Variants in SPATA16 observed in about 807,000 individuals in gnomAD.
The protein encoded by SPATA16 is spermatogenesis associated 16.
Under a neutral mutation model 63.3 loss-of-function variants are expected in SPATA16, and 36 were observed. That is an observed-to-expected ratio of 0.57 (90% CI 0.44 to 0.75). The LOEUF (loss-of-function observed/expected upper bound fraction) is 0.75, where lower values mean the gene tolerates loss of function less well. Ranked by LOEUF, SPATA16 falls within the 30% of genes least tolerant of loss-of-function variation. The probability of loss-of-function intolerance (pLI) is 0.00; values close to 1 mark genes in which losing one functional copy is unlikely to be tolerated. For synonymous variants in SPATA16, 203 were observed against 216.7 expected, an observed-to-expected ratio of 0.94 and a Z score of 0.56; for missense variants, 646 against 679.3, an observed-to-expected ratio of 0.95 and a Z score of 0.54.
intron 2 of SPATA16, among the ~76,000 whole-genome samples, chr3:173,062,877 C>T (rs538329494): frequency 6.6e-5 from 10 of 152,224 alleles, no homozygotes; most frequent in Admixed American, 3.9e-4. Flanking sequence ...TAGCTAGATC[C>T]CTCGCATATA....
intron 4 of SPATA16, among the ~76,000 whole-genome samples, chr3:173,017,263 A>G (rs1735211729): frequency 6.6e-6 from 1 of 152,182 alleles, no homozygotes; most frequent in African/African-American, 2.4e-5. Flanking sequence ...AATTACCAGG[A>G]ATTTTCTCAA....
intron 4 of SPATA16, among the ~76,000 whole-genome samples, chr3:172,996,335 G>T (rs548216515): frequency 6.6e-6 from 1 of 151,992 alleles, no homozygotes; most frequent in Non-Finnish European, 1.5e-5. Flanking sequence ...TCACCATAAG[G>T]TTAACAGTTA....
chr3:172,968,175 A>G lies in SPATA16; in HGVS notation c.933+8793T>C, dbSNP rs117098725. Among the ~76,000 whole-genome samples the G allele has an allele frequency of 6.6e-5, 10 of 152,344 alleles. No homozygotes were observed. In the East Asian group the frequency reaches 1.2e-3, roughly 18 times the overall value. On this transcript the variant is annotated intron_variant, in intron 5 of 10. Transcript: ENST00000351008. ...ACAAGCCTTAATTATCAACGTGCAG[A>G]GAAGGCTGATGTGCAAGTGAAGCAC... is the stretch of plus-strand genomic sequence containing the variant.
At chr3:172,944,999 T>C (rs1477617859) in intron 6 of SPATA16, among the ~76,000 whole-genome samples, 1 of 152,202 alleles carries the variant, frequency 6.6e-6, no homozygotes, top group Non-Finnish European at 1.5e-5. Context: ...GTGTATATTT[T>C]ACTATAATAA....
chr3:172,901,742 T>C (rs60425431), intron 10 of SPATA16, among the ~76,000 whole-genome samples: 14,291 of 152,186 alleles, frequency 0.094, 746 homozygotes, highest in African/African-American at 0.13. Flanking sequence ...TTCTGGGTGG[T>C]GATGGGAGTT....
At chr3:173,015,582 G>T (rs1021140185) in intron 4 of SPATA16, among the ~76,000 whole-genome samples, 1 of 151,962 alleles carries the variant, frequency 6.6e-6, no homozygotes, top group East Asian at 1.9e-4. Context: ...TTCAATCAGG[G>T]TTCTAAAAAG....
intron 5 of SPATA16, among the ~76,000 whole-genome samples, chr3:172,966,921 A>C (rs1344852936): frequency 1.3e-5 from 2 of 152,224 alleles, no homozygotes; most frequent in African/African-American, 4.8e-5. Flanking sequence ...TCAATAACCC[A>C]TAAAAATCTA....
intron 6 of SPATA16, among the ~76,000 whole-genome samples, chr3:172,943,950 A>T (rs1733221655): frequency 6.6e-6 from 1 of 152,214 alleles, no homozygotes; most frequent in Admixed American, 6.5e-5. Flanking sequence ...TACCATTTTC[A>T]TAAATTTGAA....
chr3:173,020,024 G>A (rs565284569), intron 3 of SPATA16, among the ~76,000 whole-genome samples: 12 of 151,630 alleles, frequency 7.9e-5, no homozygotes, highest in Admixed American at 5.3e-4. Flanking sequence ...GGCTGGGTGC[G>A]GTGGCTCATG....
intron 7 of SPATA16, among the ~76,000 whole-genome samples, chr3:172,924,669 G>T (rs1302634071): frequency 6.6e-6 from 1 of 152,130 alleles, no homozygotes; most frequent in Admixed American, 6.6e-5. Context: ...TTCCTCCTAG[G>T]TATTATTCAA....
At chr3:172,891,005 C>T in intron 10 of SPATA16, among the ~76,000 whole-genome samples, 1 of 141,174 alleles carries the variant, frequency 7.1e-6, no homozygotes, top group Non-Finnish European at 1.6e-5. Flanking sequence ...CACGCACACA[C>T]ATACACATAT....
At chr3:173,107,803 T>A (rs1051900445) in intron 2 of SPATA16, among the ~76,000 whole-genome samples, 2 of 152,176 alleles carry the variant, frequency 1.3e-5, no homozygotes, top group Admixed American at 1.3e-4. Context: ...TTGCTGTTTT[T>A]AAGTCTATTT....
intron 3 of SPATA16, among the ~76,000 whole-genome samples, chr3:173,026,296 TTAGTGTGTTG>T (rs1253437531): frequency 2.6e-5 from 4 of 151,948 alleles, no homozygotes; most frequent in Non-Finnish European, 5.9e-5. Flanking sequence ...TTTTTCCTTA[TTAGTGTGTTG>T]TAAGGGTTCT....
Position 172,914,768 on chromosome 3 carries a change from A to G in SPATA16, c.1504-1024T>C, listed in dbSNP as rs537911463. Among the ~76,000 whole-genome samples the G allele has an allele frequency of 2.4e-4, 37 of 152,262 alleles. No individual in the cohort carries two copies. The South Asian group carries it at 6.8e-3, about 28-fold the overall frequency. On this transcript the variant is annotated intron_variant, in intron 9 of 10. Coordinates refer to ENST00000351008, the MANE Select transcript of SPATA16 (RefSeq NM_031955.6). ...GGGTATATAAGTACAAAAATATCCA[A>G]TGAAATTTCATTTTATAGGGTTTCA...
intron 6 of SPATA16, among the ~76,000 whole-genome samples, chr3:172,935,544 A>G (rs1055532312): frequency 6.6e-6 from 1 of 152,240 alleles, no homozygotes; most frequent in Non-Finnish European, 1.5e-5. Context: ...TTCTTGCAAG[A>G]ATTTACAAAT....
intron 2 of SPATA16, among the ~76,000 whole-genome samples, chr3:173,110,072 C>T (rs1560126099): frequency 6.6e-6 from 1 of 151,886 alleles, no homozygotes. Context: ...TTCGTATTTT[C>T]CTGTATGTTT....
intron 1 of SPATA16, among the ~76,000 whole-genome samples, chr3:173,123,241 T>C (rs999661716): frequency 6.6e-6 from 1 of 152,242 alleles, no homozygotes; most frequent in East Asian, 1.9e-4. Context: ...AATCCATTTG[T>C]TTCTGACAAC....
At chr3:173,015,440 C>T (rs1454699682) in intron 4 of SPATA16, among the ~76,000 whole-genome samples, 2 of 152,116 alleles carry the variant, frequency 1.3e-5, no homozygotes, top group Non-Finnish European at 2.9e-5. Context: ...TTAGCTGCTT[C>T]TTACACAATG....
chr3:173,008,601 A>ATAAAATAT (rs1327838554), intron 4 of SPATA16, among the ~76,000 whole-genome samples: 1 of 152,218 alleles, frequency 6.6e-6, no homozygotes, highest in Non-Finnish European at 1.5e-5. Context: ...TCTAAAAATA[A>ATAAAATAT]TAAAATATTA....
Sources: gnomAD v4.1 joint callset for allele counts (sites outside exome capture counted in the v4.1 genomes callset) on GRCh38, gnomAD v4.1.1 for gene constraint, MANE v1.5 for transcripts, NCBI Gene and HGNC (gene_info 2026-07-23, HGNC 2026-07-21) for gene names.